The following BAZ2B variants were observed in gnomAD, a reference collection of about 807,000 sequenced individuals.
BAZ2B encodes the protein bromodomain adjacent to zinc finger domain 2B.
Under a neutral mutation model 246.0 loss-of-function variants are expected in BAZ2B, and 91 were observed. The observed-to-expected ratio is 0.37, with a 90% CI of 0.31 to 0.44. The LOEUF (loss-of-function observed/expected upper bound fraction) is 0.44. Ranked by LOEUF, BAZ2B falls within the 20% of genes least tolerant of loss-of-function variation. The pLI, the probability that BAZ2B is intolerant of heterozygous loss-of-function variation, is 1.00. For missense variants in BAZ2B, 2,332 were observed against 2,533.7 expected, an observed-to-expected ratio of 0.92 and a Z score of 1.71; for synonymous variants, 855 against 860.0, an observed-to-expected ratio of 0.99 and a Z score of 0.10.
chr2:159,540,027 T>A (rs1160958639), intron 2 of BAZ2B, among the ~76,000 whole-genome samples: 2 of 152,214 alleles, frequency 1.3e-5, no homozygotes, highest in African/African-American at 4.8e-5. Context: ...CCTCCATCCC[T>A]GTTTGGAGCT....
intron 19 of BAZ2B, 34 bp downstream of exon 19, chr2:159,397,311 C>T (rs970556325): frequency 1.3e-5 from 18 of 1,439,312 alleles, no homozygotes; most frequent in Non-Finnish European, 1.6e-5. Context: ...ATAAAATGTA[C>T]ATTCAACAAT....
the BAZ2B span, among the ~76,000 whole-genome samples, chr2:159,668,028 T>C: frequency 1.3e-5 from 2 of 152,176 alleles, no homozygotes; most frequent in East Asian, 1.9e-4. Flanking sequence ...ACATGGTATA[T>C]CTATTAAATT....
the BAZ2B span, among the ~76,000 whole-genome samples, chr2:159,706,693 T>C: frequency 2.6e-5 from 4 of 152,392 alleles, no homozygotes; most frequent in African/African-American, 7.2e-5. Context: ...ATACCATCTC[T>C]GTCACAACTA....
intron 33 of BAZ2B, among the ~76,000 whole-genome samples, chr2:159,336,233 T>C (rs2065648426): frequency 6.6e-6 from 1 of 152,198 alleles, no homozygotes; most frequent in Non-Finnish European, 1.5e-5. Flanking sequence ...TATATGATAA[T>C]ATAAAAGAGG....
At chr2:159,712,253 G>C in the BAZ2B span, 21 of 152,296 alleles carry the variant, frequency 1.4e-4, no homozygotes, top group East Asian at 1.2e-3. Flanking sequence ...CCAGCGCCCG[G>C]CGCCCGCACA....
chr2:159,668,883 C>G, the BAZ2B span, among the ~76,000 whole-genome samples: 1 of 151,922 alleles, frequency 6.6e-6, no homozygotes, highest in Admixed American at 6.6e-5. Flanking sequence ...ATGGCGAAAC[C>G]CCATCTCCAC....
chr2:159,432,735 T>C lies in BAZ2B; in HGVS notation c.1900+22A>G, dbSNP rs115742008. ...TCACATAGCATTTAGAGAAATACTTTAAATTTTAAAATGAAAATAACCTGA... is the reference window on the plus strand; with the variant it reads ...TCACATAGCATTTAGAGAAATACTTCAAATTTTAAAATGAAAATAACCTGA... On this transcript the variant is annotated intron_variant, in intron 9 of 36. Transcript: ENST00000392783. The C allele has an allele frequency of 7.5e-4, 1,190 of 1,597,266 alleles. 6 individuals are homozygous for C. The African/African-American group carries it at 0.014, about 19-fold the overall frequency.
intron 2 of BAZ2B, among the ~76,000 whole-genome samples, chr2:159,510,065 G>A (rs1355460054): frequency 2.0e-5 from 3 of 152,094 alleles, no homozygotes; most frequent in Non-Finnish European, 4.4e-5. Flanking sequence ...GACAAATATT[G>A]TATGATTCCA....
chr2:159,597,192 T>C (rs957631554), intron 1 of BAZ2B, among the ~76,000 whole-genome samples: 12 of 152,358 alleles, frequency 7.9e-5, no homozygotes, highest in African/African-American at 2.6e-4. Flanking sequence ...TTGTATATCT[T>C]CTTTTGAGAA....
At chr2:159,700,756 T>C in the BAZ2B span, among the ~76,000 whole-genome samples, 1 of 152,238 alleles carries the variant, frequency 6.6e-6, no homozygotes, top group African/African-American at 2.4e-5. Flanking sequence ...TGTATTGTTG[T>C]TTCTTATTGT....
Position 159,349,018 on chromosome 2 carries a change from G to C in BAZ2B, c.5126C>G (p.Pro1709Arg), listed in dbSNP as rs768528703. The C allele has an allele frequency of 1.9e-6, 3 of 1,613,960 alleles. No homozygotes were observed. The highest frequency in any genetic ancestry group is 1.7e-6 in the Non-Finnish European group (2 of 1,179,908). Residue 1709 changes from proline to arginine, a missense_variant, in exon 29 of 37, where the codon CCT becomes CGT. By Grantham distance (103) the Pro-to-Arg change is moderately radical. Around this residue, in one of 9 missense-constraint regions of BAZ2B, gnomAD observed 676 missense variants for 668.6 expected, o/e 1.01. Transcript: ENST00000392783. Reference sequence around the variant, plus strand: ...CTCAATGTACCTACCTTCTGGAATAGGTTTTGGACTAGGAAAATCTACTGG... The same window carrying C: ...CTCAATGTACCTACCTTCTGGAATACGTTTTGGACTAGGAAAATCTACTGG... ...AKPVDFPSPK[P>R]IPEEMQFGWW...
chr2:159,630,925 G>A, the BAZ2B span, among the ~76,000 whole-genome samples: 1 of 152,202 alleles, frequency 6.6e-6, no homozygotes, highest in African/African-American at 2.4e-5. Context: ...CAGGCCCAGT[G>A]GCTCACGTGT....
intron 1 of BAZ2B, among the ~76,000 whole-genome samples, chr2:159,603,047 G>T (rs1037036209): frequency 6.6e-6 from 1 of 152,172 alleles, no homozygotes; most frequent in African/African-American, 2.4e-5. Flanking sequence ...TGAGGCAGGG[G>T]AATTGCTCGA....
chr2:159,378,715 C>T (rs2061670139), intron 25 of BAZ2B, among the ~76,000 whole-genome samples: 1 of 152,084 alleles, frequency 6.6e-6, no homozygotes, highest in Admixed American at 6.5e-5. Context: ...CATCACTAAT[C>T]AGGGAAATGT....
intron 1 of BAZ2B, among the ~76,000 whole-genome samples, chr2:159,583,202 C>G (rs561612647): frequency 1.4e-4 from 22 of 151,750 alleles, no homozygotes; most frequent in African/African-American, 4.6e-4. Context: ...GCAACCTCTG[C>G]CTCCCAGGTT....
intron 27 of BAZ2B, among the ~76,000 whole-genome samples, chr2:159,369,681 G>A (rs1476952874): frequency 6.6e-6 from 1 of 152,082 alleles, no homozygotes; most frequent in Non-Finnish European, 1.5e-5. Context: ...CTGGTCTGGG[G>A]TAGGGCTCAG....
the BAZ2B span, among the ~76,000 whole-genome samples, chr2:159,648,038 G>A: frequency 6.6e-6 from 1 of 152,078 alleles, no homozygotes; most frequent in African/African-American, 2.4e-5. Context: ...TCACACGTAT[G>A]TATATACTTG....
At chr2:159,679,719 T>C in the BAZ2B span, among the ~76,000 whole-genome samples, 2 of 152,228 alleles carry the variant, frequency 1.3e-5, no homozygotes, top group African/African-American at 2.4e-5. Context: ...TATTTATATA[T>C]GAGAAAAGTG....
At chr2:159,353,559 T>A (rs1012274093) in intron 27 of BAZ2B, among the ~76,000 whole-genome samples, 16 of 151,718 alleles carry the variant, frequency 1.1e-4, no homozygotes, top group Non-Finnish European at 2.2e-4. Context: ...AGGGAGAGAG[T>A]TGCACAGAGA....
Sources: allele counts gnomAD v4.1 joint callset (sites outside exome capture counted in the v4.1 genomes callset), GRCh38; gene constraint gnomAD v4.1.1; regional missense constraint gnomAD v4.1.1; transcripts MANE v1.5; gene names NCBI Gene and HGNC (gene_info 2026-07-23, HGNC 2026-07-21).